The following ATXN2L variants were observed in gnomAD, a reference collection of about 807,000 sequenced individuals.
ATXN2L encodes the protein ataxin 2 like, also known as ataxin-2-like protein.
Under a neutral mutation model 120.7 loss-of-function variants are expected in ATXN2L, and 24 were observed. The observed-to-expected ratio is 0.20, with a 90% CI of 0.14 to 0.28. The LOEUF (loss-of-function observed/expected upper bound fraction) is 0.28. Ranked by LOEUF, ATXN2L falls within the 10% of genes least tolerant of loss-of-function variation. The pLI, the probability that ATXN2L is intolerant of heterozygous loss-of-function variation, is 1.00. For missense variants in ATXN2L, 1,312 were observed against 1,432.3 expected, an observed-to-expected ratio of 0.92 and a Z score of 1.36; for synonymous variants, 653 against 568.1, an observed-to-expected ratio of 1.15 and a Z score of -2.13.
At position 28,837,167 on chromosome 16, in the gene ATXN2L, G is replaced by A. The variant is rs952700367; in HGVS notation, c.*902G>A. On this transcript the variant is annotated 3_prime_UTR_variant, in exon 22 of 22. Coordinates refer to ENST00000336783, the MANE Select transcript of ATXN2L (RefSeq NM_007245.4). ...ATGCCCCACGAGGATGGCTGGACAA[G>A]GACTTTTACTTTTTATTACATAAAA... 16 of 221,428 alleles carry A rather than the reference G, an allele frequency of 7.2e-5. No individual in the cohort carries two copies. The highest frequency in any genetic ancestry group is 2.8e-4 in the Admixed American group (5 of 18,038). 13.7% of individuals were successfully genotyped at this position (221,428 alleles called of 1,614,324 possible). A position where few individuals can be genotyped will look rare whatever the true frequency, so the allele number is the denominator to read the frequency against.
Position 28,836,355 on chromosome 16 carries a change from C to G in ATXN2L, c.*90C>G. ...TAGGGTGGGCAGAAGCCACAGTCGC[C>G]GCCGCCAGGGGCTTGCTCCTGGCTC... On this transcript the variant is annotated 3_prime_UTR_variant, in exon 22 of 22. Transcript: ENST00000336783. 2 of 1,613,478 alleles carry G rather than the reference C, an allele frequency of 1.2e-6. No individual in the cohort carries two copies. The highest frequency in any genetic ancestry group is 1.7e-6 in the Non-Finnish European group (2 of 1,179,864).
Position 28,826,983 on chromosome 16 carries a change from C to T in ATXN2L, c.738C>T (p.Asp246=). The T allele has an allele frequency of 6.5e-7, 1 of 1,545,204 alleles. No homozygotes were observed. The highest frequency in any genetic ancestry group is 8.8e-7 in the Non-Finnish European group (1 of 1,138,798). Residue 246 remains aspartate, a synonymous_variant, in exon 6 of 22, where the codon GAC becomes GAT. Transcript: ENST00000336783. The part of the protein sequence containing the change: ...SNSDDYDLES[D]MSNGWDPNEM... Reference sequence around the variant, plus strand: ...GCGACGACTATGACCTCGAGTCTGACATGGTATAGCCTCCTTCCCTGAGAA... The same window carrying T: ...GCGACGACTATGACCTCGAGTCTGATATGGTATAGCCTCCTTCCCTGAGAA...
rs201749442 is a variant in ATXN2L, at chr16:28,834,356, A to T, written c.2186A>T (p.Tyr729Phe). ...MGPAVQAPQM[Y>F]PYPVSNSVPG... ...CCTCATCCCCAGGCACCTCAGATGT[A>T]TCCATATCCTGTATCCAATTCAGTG... The change falls in exon 17 of 22, where the codon TAT becomes TTT. Residue 729 changes from tyrosine (Y) to phenylalanine (F), a missense_variant. Transcript: ENST00000336783. 2.1e-5 allele frequency: 34 copies of T among 1,613,834 alleles called. No individual in the cohort carries two copies. The highest frequency in any genetic ancestry group is 1.7e-6 in the Non-Finnish European group (2 of 1,179,838).
At chr16:28,830,443 C>T (rs1454737798) in intron 8 of ATXN2L, among the ~76,000 whole-genome samples, 172 bp from the exon 9 acceptor site, 1 of 152,004 alleles carries the variant, frequency 6.6e-6, no homozygotes, top group Non-Finnish European at 1.5e-5. Context: ...GTCATAAGTC[C>T]GTAGCCACAG....
In ATXN2L at chr16:28,832,284, C is replaced by G; in HGVS notation, c.1401C>G (p.Ile467Met). The change falls in exon 11 of 22, where the codon ATC (isoleucine) becomes ATG (methionine). Residue 467 changes from isoleucine (I) to methionine (M), a missense_variant. Transcript: ENST00000336783. ...PISASCPEPP[I>M]GSAVPTSSAS... Reference sequence around the variant, plus strand: ...CAGCTTCCTGTCCAGAGCCTCCCATCGGCTCGGCAGTGCCAACCTCTTCAG... The same window carrying G: ...CAGCTTCCTGTCCAGAGCCTCCCATGGGCTCGGCAGTGCCAACCTCTTCAG... 6.2e-7 allele frequency: 1 copy of G among 1,614,148 alleles called. No homozygotes were observed. The highest frequency in any genetic ancestry group is 8.5e-7 in the Non-Finnish European group (1 of 1,180,024).
intron 6 of ATXN2L, among the ~76,000 whole-genome samples, chr16:28,827,585 C>G (rs1596883677): frequency 6.6e-6 from 1 of 151,464 alleles, no homozygotes; most frequent in African/African-American, 2.4e-5. Context: ...TTTAAAATCT[C>G]ATGAGGCTGA....
chr16:28,830,166 G>A, intron 8 of ATXN2L, 108 bp downstream of exon 8: 1 of 1,139,136 alleles, frequency 8.8e-7, no homozygotes, highest in Non-Finnish European at 1.2e-6. Context: ...CATGTAAAAT[G>A]TCATACACAG....
In ATXN2L at chr16:28,825,478, G is replaced by C. The variant is rs2051541156; in HGVS notation, c.336+76G>C. ...TAATGTGGGAATATAGGGCACATTAGGTCTAGATAGAGTCTAATGTACTCA... is the reference window on the plus strand; with the variant it reads ...TAATGTGGGAATATAGGGCACATTACGTCTAGATAGAGTCTAATGTACTCA... On this transcript the variant is annotated intron_variant, in intron 2 of 21. Transcript: ENST00000336783. 1.9e-6 allele frequency: 3 copies of C among 1,555,814 alleles called. No individual in the cohort carries two copies. In the South Asian group the frequency reaches 3.3e-5, roughly 17 times the overall value.
Position 28,823,114 on chromosome 16 carries a change from C to T in ATXN2L, c.-146C>T, listed in dbSNP as rs1275852727. The T allele has an allele frequency of 9.7e-6, 4 of 412,394 alleles. No homozygotes were observed. The East Asian group carries it at 1.5e-4, about 15-fold the overall frequency. 25.5% of individuals were successfully genotyped at this position (412,394 alleles called of 1,614,324 possible). A position where few individuals can be genotyped will look rare whatever the true frequency, so the allele number is the denominator to read the frequency against. On this transcript the variant is annotated 5_prime_UTR_variant, in exon 1 of 22. Coordinates refer to ENST00000336783, the MANE Select transcript of ATXN2L (RefSeq NM_007245.4). ...CGCGCCGCGGTCTTCTCTCTCCACC[C>T]CCGACACCGCGGGGCTCCCCCCGCC...
chr16:28,825,982 GA>G, intron 4 of ATXN2L, 141 bp downstream of exon 4: 2 of 924,586 alleles, frequency 2.2e-6, no homozygotes, highest in Non-Finnish European at 1.6e-6. Context: ...GTGCTGCAGG[GA>G]AAAAAGACAA....
At position 28,835,125 on chromosome 16, in the gene ATXN2L, T is replaced by G. The variant is rs370559547; in HGVS notation, c.2501T>G (p.Ile834Ser). ...MLTSGSHPQA[I>S]VSSSTPQYPS... ...ACGTCGGGCAGCCATCCCCAGGCCA[T>G]CGTGTCATCCTCTACCCCTCAGTAC... Residue 834 changes from isoleucine (I) to serine (S), a missense_variant, in exon 19 of 22, where the codon ATC (isoleucine) becomes AGC (serine). By Grantham distance (142) the Ile-to-Ser change is moderately radical (BLOSUM62 -2). Coordinates refer to ENST00000336783, the MANE Select transcript of ATXN2L (RefSeq NM_007245.4). 3.1e-6 allele frequency: 5 copies of G among 1,613,940 alleles called. No individual in the cohort carries two copies. The highest frequency in any genetic ancestry group is 3.4e-6 in the Non-Finnish European group (4 of 1,179,924).
rs182091517 is a variant in ATXN2L, at chr16:28,825,984, A to G, written c.465+143A>G. ...CCTGTGCTGAATAGTGCTGCAGGGA[A>G]AAAAGACAAATTTGAGGGCTGGGTA... On this transcript the variant is annotated intron_variant, in intron 4 of 21. Transcript: ENST00000336783. 4.8e-5 allele frequency: 44 copies of G among 923,190 alleles called. No individual in the cohort carries two copies. In the Admixed American group the frequency reaches 5.5e-4, roughly 11 times the overall value. 57.2% of individuals were successfully genotyped at this position (923,190 alleles called of 1,614,324 possible). A position where few individuals can be genotyped will look rare whatever the true frequency, so the allele number is the denominator to read the frequency against.
chr16:28,823,403 T>A lies in ATXN2L; in HGVS notation c.144T>A (p.Pro48=), dbSNP rs753103565. The change falls in exon 1 of 22, where the codon CCT becomes CCA. Residue 48 remains proline (P), a synonymous_variant. Coordinates refer to ENST00000336783, the MANE Select transcript of ATXN2L (RefSeq NM_007245.4). ...GGCCGCTGGCCACCTCTGCGGCTCCTCCCGGGCCTCCAGCGGCCGCCTCCC... is the reference window on the plus strand; with the variant it reads ...GGCCGCTGGCCACCTCTGCGGCTCCACCCGGGCCTCCAGCGGCCGCCTCCC... ...LPGPLATSAA[P]PGPPAAASPC... The A allele has an allele frequency of 6.1e-6, 8 of 1,320,480 alleles. No individual in the cohort carries two copies. In the South Asian group the frequency reaches 1.8e-4, roughly 29 times the overall value. The allele number at this position is 1,320,480 out of a possible 1,614,324, so 81.8% of individuals were successfully genotyped here.
intron 4 of ATXN2L, 134 bp downstream of exon 4, chr16:28,825,975 C>T: frequency 1.0e-6 from 1 of 955,258 alleles, no homozygotes; most frequent in South Asian, 1.6e-5. Context: ...CTGAATAGTG[C>T]TGCAGGGAAA....
At position 28,830,683 on chromosome 16, in the gene ATXN2L, G is replaced by C. The variant is rs147994015; in HGVS notation, c.1103G>C (p.Ser368Thr). 80 of 1,613,802 alleles carry C rather than the reference G, an allele frequency of 5.0e-5. No homozygotes were observed. The African/African-American group carries it at 9.1e-4, about 18-fold the overall frequency. Reference sequence around the variant, plus strand: ...CCCCGGGGAGGAGTTCGATGCAGCAGCTCTCGGGGCGGTCGGCCTGGCCTT... The same window carrying C: ...CCCCGGGGAGGAGTTCGATGCAGCACCTCTCGGGGCGGTCGGCCTGGCCTT... ...EGPRGGVRCS[S>T]SRGGRPGLSS... Residue 368 changes from serine (S) to threonine (T), a missense_variant, in exon 9 of 22, where the codon AGC (serine) becomes ACC (threonine). Ser to Thr is a moderately conservative substitution (Grantham distance 58). Transcript: ENST00000336783.
intron 6 of ATXN2L, among the ~76,000 whole-genome samples, chr16:28,829,068 T>A (rs779810805): frequency 1.5e-4 from 23 of 151,988 alleles, no homozygotes; most frequent in Non-Finnish European, 2.6e-4. Context: ...CCATAATAAT[T>A]CACTGCAGCC....
Position 28,836,368 on chromosome 16 carries a change from T to G in ATXN2L, c.*103T>G, listed in dbSNP as rs766716534. On this transcript the variant is annotated 3_prime_UTR_variant, in exon 22 of 22. Coordinates refer to ENST00000336783, the MANE Select transcript of ATXN2L (RefSeq NM_007245.4). ...AGCCACAGTCGCCGCCGCCAGGGGC[T>G]TGCTCCTGGCTCTGTCCTTTGCTTC... The G allele has an allele frequency of 6.2e-7, 1 of 1,613,452 alleles. No homozygotes were observed. Among genetic ancestry groups the G allele is most frequent in the Non-Finnish European group, 8.5e-7 (1 of 1,179,878 alleles).
chr16:28,830,848 G>A, intron 9 of ATXN2L, 58 bp downstream of exon 9: 1 of 1,547,326 alleles, frequency 6.5e-7, no homozygotes, highest in Non-Finnish European at 8.7e-7. Context: ...AAGGAGGTGG[G>A]AGGGTAATTG....
intron 4 of ATXN2L, 150 bp downstream of exon 4, chr16:28,825,991 C>A: frequency 1.1e-6 from 1 of 887,196 alleles, no homozygotes; most frequent in Non-Finnish European, 1.7e-6. Flanking sequence ...GGAAAAAAGA[C>A]AAATTTGAGG....
Sources: allele counts gnomAD v4.1 joint callset (sites outside exome capture counted in the v4.1 genomes callset), GRCh38; gene constraint gnomAD v4.1.1; transcripts MANE v1.5; gene names NCBI Gene and HGNC (gene_info 2026-07-23, HGNC 2026-07-21).